TBX15: variants seen among roughly 807,000 people sequenced by gnomAD.
The protein encoded by TBX15 is T-box transcription factor 15.
Under a neutral mutation model 53.9 loss-of-function variants are expected in TBX15, and 18 were observed. That is an observed-to-expected ratio of 0.33 (90% CI 0.23 to 0.49). TBX15 has a LOEUF of 0.49. Ranked by LOEUF, TBX15 falls within the 20% of genes least tolerant of loss-of-function variation. The probability of loss-of-function intolerance (pLI) is 0.98; values close to 1 mark genes in which losing one functional copy is unlikely to be tolerated. For synonymous variants in TBX15, 295 were observed against 278.0 expected (o/e 1.06, Z -0.61); for missense variants, 692 against 749.5 (o/e 0.92, Z 0.90).
intron 1 of TBX15, among the ~76,000 whole-genome samples, chr1:118,958,900 G>A (rs529658638): frequency 6.1e-4 from 93 of 152,212 alleles, no homozygotes; most frequent in African/African-American, 2.0e-3. Flanking sequence ...TAAATGAGAA[G>A]GAAGATTGGT....
At chr1:118,910,568 C>T (rs1193779293) in intron 6 of TBX15, among the ~76,000 whole-genome samples, 1 of 152,174 alleles carries the variant, frequency 6.6e-6, no homozygotes, top group Non-Finnish European at 1.5e-5. Flanking sequence ...TATTTCCCAC[C>T]TGCAAGGTGG....
At chr1:118,982,201 G>A (rs773689395) in intron 1 of TBX15, among the ~76,000 whole-genome samples, 8 of 152,072 alleles carry the variant, frequency 5.3e-5, no homozygotes, top group Non-Finnish European at 1.0e-4. Context: ...TGTACAGTTC[G>A]GCCTTGCTTT....
intron 1 of TBX15, among the ~76,000 whole-genome samples, chr1:118,942,883 A>C (rs868544433): frequency 3.9e-5 from 6 of 152,194 alleles, no homozygotes; most frequent in South Asian, 4.1e-4. Context: ...TGAGACAGAT[A>C]TCCTCCTCCT....
chr1:118,950,690 A>ATACCTTGT (rs1370304463), intron 1 of TBX15, among the ~76,000 whole-genome samples: 1 of 152,344 alleles, frequency 6.6e-6, no homozygotes, highest in East Asian at 1.9e-4. Context: ...TCTGATATTC[A>ATACCTTGT]TACCTTGTCA....
chr1:118,973,459 A>T (rs77052295), intron 1 of TBX15, among the ~76,000 whole-genome samples: 2 of 152,038 alleles, frequency 1.3e-5, no homozygotes, highest in African/African-American at 4.8e-5. Flanking sequence ...AAAAAAAAAA[A>T]GCCCTCAGAA....
At chr1:118,970,198 C>T (rs1657184957) in intron 1 of TBX15, among the ~76,000 whole-genome samples, 1 of 152,154 alleles carries the variant, frequency 6.6e-6, no homozygotes, top group African/African-American at 2.4e-5. Flanking sequence ...CATAAATTAC[C>T]CAGTCTCAGG....
In TBX15 at chr1:118,899,004, A is replaced by G. The variant is rs138053955; in HGVS notation, c.1024+24T>C. 1.1e-4 allele frequency: 184 copies of G among 1,611,368 alleles called. 3 individuals are homozygous for G. In the East Asian group the frequency reaches 3.8e-3, roughly 33 times the overall value. ...TCTGTCCCTGGCCCTATCACTAAGC[A>G]GAGGCCTTGCTCCAGGGCTTTACCT... On this transcript the variant is annotated intron_variant, in intron 7 of 7. Transcript: ENST00000369429.
At chr1:118,909,434 TG>T (rs1321206891) in intron 6 of TBX15, among the ~76,000 whole-genome samples, 1 of 152,194 alleles carries the variant, frequency 6.6e-6, no homozygotes, top group East Asian at 1.9e-4. Context: ...GGCAAGAATC[TG>T]GGGGGTTCCT....
chr1:118,915,009 G>A (rs1248774035), intron 5 of TBX15, among the ~76,000 whole-genome samples: 2 of 152,224 alleles, frequency 1.3e-5, no homozygotes, highest in South Asian at 4.1e-4. Flanking sequence ...TCTTAGTTCT[G>A]GCAAACCCTG....
At chr1:118,886,514 G>A (rs376572896) in intron 7 of TBX15, among the ~76,000 whole-genome samples, 2 of 152,272 alleles carry the variant, frequency 1.3e-5, no homozygotes, top group African/African-American at 2.4e-5. Context: ...AAATGCTGAC[G>A]TTCCAGGATC....
intron 1 of TBX15, among the ~76,000 whole-genome samples, chr1:118,984,556 C>A (rs1432376466): frequency 1.3e-5 from 2 of 152,210 alleles, no homozygotes; most frequent in Non-Finnish European, 2.9e-5. Flanking sequence ...GCTGTTCCAG[C>A]CGATCCTAGC....
At chr1:118,986,663 C>T (rs1486732844) in intron 1 of TBX15, among the ~76,000 whole-genome samples, 1 of 152,192 alleles carries the variant, frequency 6.6e-6, no homozygotes, top group Non-Finnish European at 1.5e-5. Context: ...GGGGTCTACT[C>T]CCCAGCTCTG....
upstream of TBX15, chr1:118,989,477 C>G (rs182381477): frequency 1.8e-4 from 28 of 152,286 alleles, no homozygotes; most frequent in East Asian, 4.5e-3. Context: ...TCGCGGACAG[C>G]GGCCTAGACA....
intron 1 of TBX15, among the ~76,000 whole-genome samples, chr1:118,969,011 T>C (rs1056447769): frequency 1.3e-5 from 2 of 152,218 alleles, no homozygotes; most frequent in Admixed American, 6.5e-5. Flanking sequence ...ATACATCACC[T>C]AGCATGGATT....
chr1:118,918,531 A>AAAACT (rs1371133826), intron 5 of TBX15, among the ~76,000 whole-genome samples: 1 of 152,224 alleles, frequency 6.6e-6, no homozygotes, highest in Admixed American at 6.5e-5. Flanking sequence ...CTGTGCGACT[A>AAAACT]AAACAAGTCT....
intron 1 of TBX15, among the ~76,000 whole-genome samples, chr1:118,979,878 G>A (rs1294014669): frequency 1.3e-5 from 2 of 152,186 alleles, no homozygotes; most frequent in Admixed American, 1.3e-4. Flanking sequence ...AGCCCCAGGC[G>A]CGAGAACAGG....
At chr1:118,939,278 G>A (rs537838883) in intron 1 of TBX15, among the ~76,000 whole-genome samples, 17 of 151,588 alleles carry the variant, frequency 1.1e-4, no homozygotes, top group South Asian at 1.0e-3. Flanking sequence ...ATGATGGCAC[G>A]TGCCTGTAGT....
rs1655500734 is a variant in TBX15 at position 118,923,646 on chromosome 1, A to G, written c.694-43T>C. 3 of 1,612,376 alleles carry G rather than the reference A, an allele frequency of 1.9e-6. No homozygotes were observed. In the South Asian group the frequency reaches 3.3e-5, roughly 18 times the overall value. On this transcript the variant is annotated intron_variant, in intron 4 of 7. Transcript: ENST00000369429. ...ATTGTACCAGGCTTGGCTTTAAGGAACCTACATTTTGTTCTCATGCAAAAA... is the reference window on the plus strand; with the variant it reads ...ATTGTACCAGGCTTGGCTTTAAGGAGCCTACATTTTGTTCTCATGCAAAAA...
intron 1 of TBX15, among the ~76,000 whole-genome samples, chr1:118,968,295 A>T (rs1657121597): frequency 6.6e-6 from 1 of 151,782 alleles, no homozygotes; most frequent in Non-Finnish European, 1.5e-5. Context: ...GCTCACTGCA[A>T]CCTCCATCTC....
Sources: allele counts gnomAD v4.1 joint callset (sites outside exome capture counted in the v4.1 genomes callset), GRCh38; gene constraint gnomAD v4.1.1; transcripts MANE v1.5; gene names NCBI Gene and HGNC (gene_info 2026-07-23, HGNC 2026-07-21).